The following ARL5B variants were observed in gnomAD, a reference collection of about 807,000 sequenced individuals.
ARL5B encodes the protein ADP-ribosylation factor-like protein 5B.
ARL5B carries 10 observed loss-of-function variants against 26.9 expected under a neutral mutation model. The observed-to-expected ratio is 0.37, with a 90% CI of 0.23 to 0.63. The LOEUF (loss-of-function observed/expected upper bound fraction) is 0.63, where lower values mean the gene tolerates loss of function less well. Ranked by LOEUF, ARL5B falls within the 30% of genes least tolerant of loss-of-function variation. The pLI, the probability that ARL5B is intolerant of heterozygous loss-of-function variation, is 0.62. For missense variants in ARL5B, 167 were observed against 213.9 expected (o/e 0.78, Z 1.37); for synonymous variants, 87 against 70.4 (o/e 1.24, Z -1.18).
intron 1 of ARL5B, among the ~76,000 whole-genome samples, chr10:18,665,550 GT>G (rs1348159200): frequency 6.6e-6 from 1 of 152,084 alleles, no homozygotes; most frequent in African/African-American, 2.4e-5. Context: ...GGCTGATGAA[GT>G]TTAGAACTTC....
At chr10:18,659,891 A>C in intron 1 of ARL5B, 1 of 985,322 alleles carries the variant, frequency 1.0e-6, no homozygotes, top group Non-Finnish European at 1.2e-6. Flanking sequence ...GCAGAAGAGA[A>C]GGTATTTGGC....
intron 1 of ARL5B, among the ~76,000 whole-genome samples, chr10:18,661,159 A>G (rs542497084): frequency 2.0e-4 from 31 of 152,348 alleles, no homozygotes; most frequent in African/African-American, 6.3e-4. Context: ...GTAAAACAGC[A>G]TTTTAAGACA....
chr10:18,660,029 C>T (rs1017320601), intron 1 of ARL5B: 13 of 860,882 alleles, frequency 1.5e-5, no homozygotes, highest in Non-Finnish European at 1.8e-5. Flanking sequence ...TATGTGTATC[C>T]CCAGGATAAG....
intron 2 of ARL5B, 133 bp from the exon 3 acceptor site, chr10:18,668,397 A>T (rs1016649097): frequency 2.3e-6 from 2 of 857,034 alleles, no homozygotes; most frequent in Non-Finnish European, 3.5e-6. Context: ...AGTGTTCTCC[A>T]GGTTTATAAT....
chr10:18,661,906 G>C (rs921118969), intron 1 of ARL5B, among the ~76,000 whole-genome samples: 3 of 152,154 alleles, frequency 2.0e-5, no homozygotes, highest in African/African-American at 7.2e-5. Flanking sequence ...GTTTGCTTGC[G>C]AGGAGTGAAG....
rs901486767 is a variant in ARL5B, at chr10:18,674,225, C to CT, written c.491+94dup. The CT allele has an allele frequency of 6.5e-5, 80 of 1,235,814 alleles. No individual in the cohort carries two copies. In the African/African-American group the frequency reaches 1.1e-3, roughly 17 times the overall value. The allele number at this position is 1,235,814 out of a possible 1,614,324, so 76.6% of individuals were successfully genotyped here. The stretch of plus-strand genomic sequence containing the variant: ...CTTGTTTTCTTCATGGGTCCTGTTC[C>CT]TTTTCTGTTTGTTTGTTCTTAATTA... On this transcript the variant is annotated intron_variant, in intron 5 of 5. Coordinates refer to ENST00000377275, the MANE Select transcript of ARL5B (RefSeq NM_178815.5).
intron 5 of ARL5B, 27 bp downstream of exon 5, chr10:18,674,162 A>G (rs748811050): frequency 1.9e-6 from 3 of 1,575,710 alleles, no homozygotes; most frequent in African/African-American, 2.7e-5. Context: ...GAGGGGAGGT[A>G]TGACTTCTTT....
chr10:18,664,680 C>T (rs2092180298), intron 1 of ARL5B, among the ~76,000 whole-genome samples: 1 of 150,654 alleles, frequency 6.6e-6, no homozygotes, highest in Non-Finnish European at 1.5e-5. Context: ...CCTCGTGATC[C>T]TCCCACCTCG....
At position 18,680,427 on chromosome 10, in the gene ARL5B, T is replaced by G. The variant is rs2059927567; in HGVS notation, c.*5211T>G. The stretch of plus-strand genomic sequence containing the variant: ...ATTAGATAAGGGAAAGGAGAAATCC[T>G]AAATTTGATGGATTCTTTTATACTG... On this transcript the variant is annotated 3_prime_UTR_variant, in exon 6 of 6. Coordinates refer to ENST00000377275, the MANE Select transcript of ARL5B (RefSeq NM_178815.5). The G allele has an allele frequency of 6.6e-6, 1 of 152,114 alleles. No individual in the cohort carries two copies. Among genetic ancestry groups the G allele is most frequent in the African/African-American group, 2.4e-5 (1 of 41,458 alleles). 9.4% of individuals were successfully genotyped at this position (152,114 alleles called of 1,614,324 possible).
At chr10:18,662,156 G>A (rs17622920) in intron 1 of ARL5B, among the ~76,000 whole-genome samples, 31,195 of 152,140 alleles carry the variant, frequency 0.21, 3,530 homozygotes, top group Non-Finnish European at 0.26. Context: ...TAGAATAACA[G>A]GCCCAAAGCG....
chr10:18,672,780 A>G (rs1033064902), intron 4 of ARL5B, 75 bp downstream of exon 4: 3 of 955,876 alleles, frequency 3.1e-6, no homozygotes, highest in African/African-American at 1.6e-5. Flanking sequence ...TTTTGCAAAG[A>G]TTAATGTGAT....
intron 4 of ARL5B, among the ~76,000 whole-genome samples, chr10:18,673,167 G>T (rs575954956): frequency 6.6e-6 from 1 of 152,072 alleles, no homozygotes; most frequent in South Asian, 2.1e-4. Flanking sequence ...GGTTCAAGCA[G>T]TTCTCTGCCT....
intron 3 of ARL5B, among the ~76,000 whole-genome samples, chr10:18,670,482 G>A (rs1229953940): frequency 6.6e-6 from 1 of 152,084 alleles, no homozygotes; most frequent in African/African-American, 2.4e-5. Flanking sequence ...ATGGTGGCAT[G>A]TGCCTGTAGT....
intron 2 of ARL5B, among the ~76,000 whole-genome samples, chr10:18,668,205 G>A (rs966265300): frequency 3.3e-4 from 50 of 152,006 alleles, no homozygotes; most frequent in African/African-American, 1.2e-3. Context: ...ATGGGACATT[G>A]GGTCTTATCT....
chr10:18,671,272 A>G (rs11015519), intron 3 of ARL5B, among the ~76,000 whole-genome samples: 7,401 of 151,948 alleles, frequency 0.049, 280 homozygotes, highest in Non-Finnish European at 0.078. Context: ...TCCCAGGTTC[A>G]AAGGATTCTC....
rs753949171 is a variant in ARL5B at position 18,673,990 on chromosome 10, C to T, written c.346C>T (p.Arg116Trp). Residue 116 changes from arginine (R) to tryptophan (W), a missense_variant, in exon 5 of 6, where the codon CGG (arginine) becomes TGG (tryptophan). Arg to Trp is a moderately radical substitution (Grantham distance 101, BLOSUM62 -3). Transcript: ENST00000377275. ...LYRMLAHEDL[R>W]KAAVLIFANK... Reference sequence around the variant, plus strand: ...TATTTTGTCTTGATTGCAGGATTTACGGAAGGCTGCAGTCCTTATCTTTGC... The same window carrying T: ...TATTTTGTCTTGATTGCAGGATTTATGGAAGGCTGCAGTCCTTATCTTTGC... 3 of 1,591,108 alleles carry T rather than the reference C, an allele frequency of 1.9e-6. No individual in the cohort carries two copies. The highest frequency in any genetic ancestry group is 1.4e-5 in the African/African-American group (1 of 73,528).
At chr10:18,666,329 GT>G (rs1460810770) in intron 1 of ARL5B, among the ~76,000 whole-genome samples, 2 of 152,222 alleles carry the variant, frequency 1.3e-5, no homozygotes, top group African/African-American at 4.8e-5. Flanking sequence ...CTTTGCTGGT[GT>G]TTCCTGCCTA....
At chr10:18,673,824 G>C (rs1428942612) in intron 4 of ARL5B, among the ~76,000 whole-genome samples, 160 bp from the exon 5 acceptor site, 1 of 151,312 alleles carries the variant, frequency 6.6e-6, no homozygotes, top group South Asian at 2.1e-4. Context: ...ATATTAATCT[G>C]TTGGAATGAA....
In ARL5B at chr10:18,666,437, C is replaced by T; in HGVS notation, c.47-138C>T. ...AGGTAGCCTTAACATCATAACATTT[C>T]TTTCTGCATTTTAAGTCTAGTGATA... On this transcript the variant is annotated intron_variant, in intron 1 of 5. Coordinates refer to ENST00000377275, the MANE Select transcript of ARL5B (RefSeq NM_178815.5). 4 of 655,100 alleles carry T rather than the reference C, an allele frequency of 6.1e-6. No homozygotes were observed. The South Asian group carries it at 1.1e-4, about 19-fold the overall frequency. The allele number at this position is 655,100 out of a possible 1,614,324, so 40.6% of individuals were successfully genotyped here.
Sources: gnomAD v4.1 joint callset for allele counts (sites outside exome capture counted in the v4.1 genomes callset) on GRCh38, gnomAD v4.1.1 for gene constraint, MANE v1.5 for transcripts, NCBI Gene and HGNC (gene_info 2026-07-23, HGNC 2026-07-21) for gene names.